CERS6: variants seen among roughly 807,000 people sequenced by gnomAD.
The protein encoded by CERS6 is ceramide synthase 6, also known as LAG1 homolog, ceramide synthase 6.
CERS6 carries 26 observed loss-of-function variants against 56.8 expected under a neutral mutation model. The observed-to-expected ratio is 0.46, with a 90% confidence interval of 0.34 to 0.63. The LOEUF is 0.63. CERS6 is among the 30% of genes least tolerant of loss of function. The pLI is 0.01. For synonymous variants in CERS6, 164 were observed against 173.3 expected (o/e 0.95, Z 0.42); for missense variants, 415 against 467.5 (o/e 0.89, Z 1.04).
chr2:168,683,703 G>A (rs1686274552), intron 4 of CERS6, among the ~76,000 whole-genome samples: 2 of 152,124 alleles, frequency 1.3e-5, no homozygotes, highest in Non-Finnish European at 2.9e-5. Context: ...TTCTAAACAT[G>A]GAATTGATTG....
intron 4 of CERS6, among the ~76,000 whole-genome samples, chr2:168,631,626 T>TATAA (rs368268207): frequency 1.6e-5 from 1 of 63,610 alleles, no homozygotes; most frequent in Non-Finnish European, 3.0e-5. Context: ...AATATTTATA[T>TATAA]AATATATAGC....
intron 8 of CERS6, among the ~76,000 whole-genome samples, chr2:168,763,775 A>G (rs944871274): frequency 6.6e-6 from 1 of 152,204 alleles, no homozygotes; most frequent in Non-Finnish European, 1.5e-5. Flanking sequence ...AAAGTGCTGC[A>G]GTGGCAGGCG....
chr2:168,752,340 C>G (rs1684299581), intron 8 of CERS6, among the ~76,000 whole-genome samples: 1 of 138,572 alleles, frequency 7.2e-6, no homozygotes, highest in Non-Finnish European at 1.6e-5. Flanking sequence ...GAGAGAGAGG[C>G]TAAGTTTGAC....
At chr2:168,683,337 A>G (rs1326582179) in intron 4 of CERS6, among the ~76,000 whole-genome samples, 1 of 152,054 alleles carries the variant, frequency 6.6e-6, no homozygotes, top group Non-Finnish European at 1.5e-5. Flanking sequence ...TTTAATCTGT[A>G]ATTTTTACAT....
intron 8 of CERS6, among the ~76,000 whole-genome samples, chr2:168,760,750 A>ATTTG (rs1684551371): frequency 6.8e-6 from 1 of 147,270 alleles, no homozygotes; most frequent in African/African-American, 2.6e-5. Flanking sequence ...TTATTTATTT[A>ATTTG]TTTATTTATT....
chr2:168,586,629 T>C (rs1683548900), intron 3 of CERS6, among the ~76,000 whole-genome samples: 1 of 152,182 alleles, frequency 6.6e-6, no homozygotes, highest in Non-Finnish European at 1.5e-5. Context: ...GTCCATTTTT[T>C]CATTTTATTG....
chr2:168,769,132 A>G (rs1684800407), intron 9 of CERS6, among the ~76,000 whole-genome samples: 1 of 152,170 alleles, frequency 6.6e-6, no homozygotes, highest in African/African-American at 2.4e-5. Context: ...ATTATTCTCA[A>G]GGAGAATGTG....
chr2:168,514,284 C>T (rs907043872), intron 1 of CERS6, among the ~76,000 whole-genome samples: 2 of 152,326 alleles, frequency 1.3e-5, no homozygotes, highest in South Asian at 4.1e-4. Flanking sequence ...TAGACCTGCT[C>T]CCTCATGCCA....
Position 168,533,995 on chromosome 2 carries a change from C to T in CERS6, c.171-13601C>T, listed in dbSNP as rs546340482. Among the ~76,000 whole-genome samples, 10 of 151,826 alleles carry T rather than the reference C, an allele frequency of 6.6e-5. No individual in the cohort carries two copies. In the South Asian group the frequency reaches 1.2e-3, roughly 19 times the overall value. The stretch of plus-strand genomic sequence containing the variant: ...CTTCAAACTCTGATATGCTTTCTTC[C>T]GCTTGGTTGATTTGGCTATTGATAG... On this transcript the variant is annotated intron_variant, in intron 1 of 9. Coordinates refer to ENST00000305747, the MANE Select transcript of CERS6 (RefSeq NM_203463.3).
rs1169929548 is a variant in CERS6, at chr2:168,552,508, G to A, written c.276+4807G>A. 2.6e-5 allele frequency among the ~76,000 whole-genome samples: 4 copies of A among 152,050 alleles called. No homozygotes were observed. The East Asian group carries it at 7.7e-4, about 29-fold the overall frequency. The stretch of plus-strand genomic sequence containing the variant: ...AAACATATAAAGGCTACCTAGATTG[G>A]GCAGAAACCAAGTATGAGGAAGTGA... On this transcript the variant is annotated intron_variant, in intron 2 of 9. Coordinates refer to ENST00000305747, the MANE Select transcript of CERS6 (RefSeq NM_203463.3).
chr2:168,599,517 C>T (rs1683881769), intron 3 of CERS6, among the ~76,000 whole-genome samples: 1 of 152,154 alleles, frequency 6.6e-6, no homozygotes, highest in African/African-American at 2.4e-5. Context: ...GTAAATCCAA[C>T]TGTGAGTGCT....
intron 4 of CERS6, among the ~76,000 whole-genome samples, chr2:168,686,140 T>A (rs983130465): frequency 6.8e-6 from 1 of 148,032 alleles, no homozygotes; most frequent in African/African-American, 2.5e-5. Context: ...AAGTTGCAGA[T>A]AAGGTCTGGT....
chr2:168,646,596 T>C (rs986111010), intron 4 of CERS6, among the ~76,000 whole-genome samples: 2 of 152,236 alleles, frequency 1.3e-5, no homozygotes, highest in African/African-American at 4.8e-5. Flanking sequence ...GGTATCTTCG[T>C]CATGAAATCT....
intron 1 of CERS6, among the ~76,000 whole-genome samples, chr2:168,528,206 G>C (rs1695103818): frequency 6.6e-6 from 1 of 152,162 alleles, no homozygotes; most frequent in Non-Finnish European, 1.5e-5. Flanking sequence ...TATTACAGAA[G>C]GTAGTTTCAC....
At position 168,775,009 on chromosome 2, in the gene CERS6, T is replaced by C. The variant is rs545562608; in HGVS notation, c.*5347T>C. The C allele has an allele frequency of 1.1e-4, 16 of 152,348 alleles. No homozygotes were observed. The East Asian group carries it at 2.5e-3, about 24-fold the overall frequency. The allele number at this position is 152,348 out of a possible 1,614,324, so 9.4% of individuals were successfully genotyped here. A position where few individuals can be genotyped will look rare whatever the true frequency, so the allele number is the denominator to read the frequency against. Reference sequence around the variant, plus strand: ...ATTAGAATTATTTTATGTATTGTTATTGTGTTTTGCTGATTTTTATATGAA... The same window carrying C: ...ATTAGAATTATTTTATGTATTGTTACTGTGTTTTGCTGATTTTTATATGAA... On this transcript the variant is annotated 3_prime_UTR_variant, in exon 10 of 10. Coordinates refer to ENST00000305747, the MANE Select transcript of CERS6 (RefSeq NM_203463.3).
chr2:168,665,186 C>T (rs948609044), intron 4 of CERS6, among the ~76,000 whole-genome samples: 1 of 151,968 alleles, frequency 6.6e-6, no homozygotes, highest in Non-Finnish European at 1.5e-5. Flanking sequence ...ATGGTTTTTA[C>T]TGGTAAACAG....
At chr2:168,688,991 A>G (rs1370893158) in intron 4 of CERS6, among the ~76,000 whole-genome samples, 2 of 152,192 alleles carry the variant, frequency 1.3e-5, no homozygotes, top group African/African-American at 4.8e-5. Context: ...TGCATCATTT[A>G]GAGTTATACC....
At chr2:168,545,501 T>G (rs979359241) in intron 1 of CERS6, among the ~76,000 whole-genome samples, 2 of 150,660 alleles carry the variant, frequency 1.3e-5, no homozygotes, top group Non-Finnish European at 2.9e-5. Flanking sequence ...TACTAAAAAT[T>G]TTTTTTGATT....
In CERS6 at chr2:168,736,099, T is replaced by C. The variant is rs188781544; in HGVS notation, c.845+18121T>C. On this transcript the variant is annotated intron_variant, in intron 8 of 9. Transcript: ENST00000305747. ...GCATGGTGGTGTTTTGATTTGGTAT[T>C]AATTTACTCTTAGTAAACTTGATAA... Among the ~76,000 whole-genome samples the C allele has an allele frequency of 2.0e-5, 3 of 152,132 alleles. 1 individual carries two copies. The highest frequency in any genetic ancestry group is 4.4e-5 in the Non-Finnish European group (3 of 68,026).
Sources: allele counts gnomAD v4.1 joint callset (sites outside exome capture counted in the v4.1 genomes callset), GRCh38; gene constraint gnomAD v4.1.1; transcripts MANE v1.5; gene names NCBI Gene and HGNC (gene_info 2026-07-23, HGNC 2026-07-21).